The following PTK2B variants were observed in gnomAD, a reference collection of about 807,000 sequenced individuals.
PTK2B encodes protein tyrosine kinase 2 beta.
In PTK2B, 71 loss-of-function variants were observed where a neutral mutation model predicts 142.9. The ratio of observed to expected loss-of-function variants is 0.50; its 90% CI spans 0.41 to 0.61. PTK2B has a LOEUF of 0.61. Ranked by LOEUF, PTK2B falls within the 20% of genes least tolerant of loss-of-function variation. PTK2B has a pLI of 0.00. For synonymous variants in PTK2B, 519 were observed against 503.4 expected (o/e 1.03, Z -0.42); for missense variants, 1,105 against 1,320.4 (o/e 0.84, Z 2.53).
intron 1 of PTK2B, among the ~76,000 whole-genome samples, chr8:27,325,954 A>G (rs1563459495): frequency 6.6e-6 from 1 of 152,042 alleles, no homozygotes; most frequent in African/African-American, 2.4e-5. Flanking sequence ...ATATTCAGAC[A>G]GGGGAGGCTG....
chr8:27,457,391 TAGA>T (rs1812200736), intron 30 of PTK2B, among the ~76,000 whole-genome samples: 2 of 152,222 alleles, frequency 1.3e-5, no homozygotes, highest in African/African-American at 2.4e-5. Context: ...GATGGAGATA[TAGA>T]AGGAGATTAA....
intron 1 of PTK2B, among the ~76,000 whole-genome samples, chr8:27,348,870 C>A (rs187168411): frequency 1.3e-5 from 2 of 152,258 alleles, no homozygotes; most frequent in African/African-American, 4.8e-5. Context: ...CCCCCTGCAT[C>A]CCAAGCCATT....
At chr8:27,373,315 C>A (rs907609025) in intron 1 of PTK2B, among the ~76,000 whole-genome samples, 2 of 152,200 alleles carry the variant, frequency 1.3e-5, no homozygotes, top group East Asian at 3.9e-4. Context: ...CAGACTTCTC[C>A]AACAAGCTGC....
At chr8:27,355,951 A>T (rs2130648655) in intron 1 of PTK2B, among the ~76,000 whole-genome samples, 1 of 150,988 alleles carries the variant, frequency 6.6e-6, no homozygotes, top group Middle Eastern at 3.4e-3. Flanking sequence ...TGAACCCGGG[A>T]GGCAGAGGTA....
chr8:27,324,116 G>A (rs759934163), upstream of PTK2B, among the ~76,000 whole-genome samples: 4 of 152,226 alleles, frequency 2.6e-5, no homozygotes, highest in African/African-American at 9.6e-5. Context: ...CTCTGACCAT[G>A]TCCTTGCCAT....
intron 1 of PTK2B, among the ~76,000 whole-genome samples, chr8:27,365,701 A>T (rs951628666): frequency 1.2e-4 from 19 of 152,234 alleles, no homozygotes; most frequent in Non-Finnish European, 2.6e-4. Flanking sequence ...CTCATTAAAA[A>T]TACCCCAAAG....
At chr8:27,412,986 A>C (rs1288037126) in intron 2 of PTK2B, among the ~76,000 whole-genome samples, 1 of 151,948 alleles carries the variant, frequency 6.6e-6, no homozygotes, top group Non-Finnish European at 1.5e-5. Context: ...AATCTCCCTC[A>C]CCAGAGTCTC....
At chr8:27,330,268 T>G (rs1262421767) in intron 1 of PTK2B, among the ~76,000 whole-genome samples, 1 of 152,184 alleles carries the variant, frequency 6.6e-6, no homozygotes, top group Non-Finnish European at 1.5e-5. Context: ...AGCTCTCTGG[T>G]ATCTTTACAC....
At chr8:27,400,888 C>T (rs930078274) in intron 2 of PTK2B, among the ~76,000 whole-genome samples, 5 of 152,102 alleles carry the variant, frequency 3.3e-5, no homozygotes, top group Non-Finnish European at 7.4e-5. Context: ...GTAGGCTTAC[C>T]CACAAGGAAT....
At chr8:27,407,416 C>T (rs1808787290) in intron 2 of PTK2B, among the ~76,000 whole-genome samples, 1 of 152,184 alleles carries the variant, frequency 6.6e-6, no homozygotes, top group African/African-American at 2.4e-5. Flanking sequence ...CATTGTTCAT[C>T]CCAGTCACTG....
At chr8:27,314,749 T>A (rs1018434476) in intron 3 of PTK2B, among the ~76,000 whole-genome samples, 2 of 152,224 alleles carry the variant, frequency 1.3e-5, no homozygotes, top group Admixed American at 1.3e-4. Context: ...ATGCCTTCCC[T>A]GCTTAGTTTG....
chr8:27,444,882 A>C (rs1176826828), intron 23 of PTK2B, among the ~76,000 whole-genome samples: 2 of 152,178 alleles, frequency 1.3e-5, no homozygotes, highest in Admixed American at 1.3e-4. Context: ...ACCAGAAATA[A>C]TGTCCATTTA....
intron 1 of PTK2B, among the ~76,000 whole-genome samples, chr8:27,335,615 G>C (rs1000466697): frequency 7.0e-6 from 1 of 143,704 alleles, no homozygotes; most frequent in African/African-American, 2.6e-5. Context: ...AAAAAAAAAA[G>C]AGAAAAGAAA....
At chr8:27,324,366 C>T (rs1050502053), upstream of PTK2B, among the ~76,000 whole-genome samples, 5 of 152,264 alleles carry the variant, frequency 3.3e-5, no homozygotes, top group African/African-American at 1.2e-4. Context: ...TGGCAGTGCC[C>T]ATCAATGGGT....
At chr8:27,379,431 T>C (rs754016452) in intron 1 of PTK2B, among the ~76,000 whole-genome samples, 1 of 152,182 alleles carries the variant, frequency 6.6e-6, no homozygotes, top group Non-Finnish European at 1.5e-5. Flanking sequence ...GTCTTGCCTG[T>C]GGCCCAGGCT....
intron 1 of PTK2B, among the ~76,000 whole-genome samples, chr8:27,368,465 A>G (rs1208342840): frequency 6.6e-6 from 1 of 152,202 alleles, no homozygotes; most frequent in Non-Finnish European, 1.5e-5. Flanking sequence ...CTGGCTGTGA[A>G]TCCCCAGCTG....
At chr8:27,447,484 AG>A (rs2132377387) in intron 24 of PTK2B, among the ~76,000 whole-genome samples, 1 of 152,338 alleles carries the variant, frequency 6.6e-6, no homozygotes, top group Admixed American at 6.5e-5. Context: ...CTGACTCATC[AG>A]GGAGTCTGTG....
intron 1 of PTK2B, among the ~76,000 whole-genome samples, chr8:27,340,534 A>G (rs1804334889): frequency 6.6e-6 from 1 of 152,226 alleles, no homozygotes; most frequent in Non-Finnish European, 1.5e-5. Context: ...TTAGTGTTGG[A>G]CATCATTCTC....
intron 1 of PTK2B, among the ~76,000 whole-genome samples, chr8:27,336,748 C>T (rs1804088226): frequency 6.6e-6 from 1 of 152,226 alleles, no homozygotes; most frequent in Non-Finnish European, 1.5e-5. Context: ...CTTTCTGCAT[C>T]AGCTCTTCAT....
Sources: gnomAD v4.1 joint callset for allele counts (sites outside exome capture counted in the v4.1 genomes callset) on GRCh38, gnomAD v4.1.1 for gene constraint, MANE v1.5 for transcripts, NCBI Gene and HGNC (gene_info 2026-07-23, HGNC 2026-07-21) for gene names.